EPHA5: variants seen among roughly 807,000 people sequenced by gnomAD.
EPHA5 encodes ephrin type-A receptor 5.
EPHA5 carries 60 observed loss-of-function variants against 105.0 expected under a neutral mutation model. The ratio of observed to expected loss-of-function variants is 0.57; its 90% CI spans 0.46 to 0.71. The LOEUF (loss-of-function observed/expected upper bound fraction) is 0.71, where lower values mean the gene tolerates loss of function less well. EPHA5 is among the 30% of genes least tolerant of loss of function. The probability of loss-of-function intolerance (pLI) is 0.00; values close to 1 mark genes in which losing one functional copy is unlikely to be tolerated. For missense variants in EPHA5, 1,218 were observed against 1,274.7 expected (o/e 0.96, Z 0.68); for synonymous variants, 513 against 449.1 (o/e 1.14, Z -1.80).
intron 11 of EPHA5, among the ~76,000 whole-genome samples, chr4:65,360,794 C>T (rs1230034445): frequency 6.6e-6 from 1 of 151,346 alleles, no homozygotes; most frequent in African/African-American, 2.4e-5. Context: ...TTTACATAGC[C>T]ACAATTTATT....
intron 2 of EPHA5, among the ~76,000 whole-genome samples, chr4:65,612,041 G>A (rs1019285360): frequency 6.2e-4 from 74 of 119,556 alleles, no homozygotes; most frequent in East Asian, 1.4e-3. Flanking sequence ...AAAAAAAAAG[G>A]AAAGAAAAGA....
chr4:65,557,305 C>A (rs899086938), intron 3 of EPHA5, among the ~76,000 whole-genome samples: 5 of 145,312 alleles, frequency 3.4e-5, no homozygotes, highest in African/African-American at 5.1e-5. Context: ...CGTTTGGGCA[C>A]ATATACATTG....
At chr4:65,335,545 G>T (rs779336323) in intron 15 of EPHA5, among the ~76,000 whole-genome samples, 11 of 152,114 alleles carry the variant, frequency 7.2e-5, no homozygotes, top group Non-Finnish European at 1.3e-4. Context: ...ATTATTGCTA[G>T]ATATCTCTGG....
rs1438310124 is a variant in EPHA5, at chr4:65,442,972, G to C, written c.1403-22407C>G. Among the ~76,000 whole-genome samples, 8 of 152,200 alleles carry C rather than the reference G, an allele frequency of 5.3e-5. No homozygotes were observed. The South Asian group carries it at 6.2e-4, about 12-fold the overall frequency. ...ACCAGATCATGATCATTTATACAGTGAACTTCTGAAGTTAGAAACCCTTTA... is the reference window on the plus strand; with the variant it reads ...ACCAGATCATGATCATTTATACAGTCAACTTCTGAAGTTAGAAACCCTTTA... On this transcript the variant is annotated intron_variant, in intron 5 of 16. Coordinates refer to ENST00000613740, the MANE Select transcript of EPHA5 (RefSeq NM_001281766.3).
At chr4:65,510,828 TATG>T (rs1443923698) in intron 3 of EPHA5, among the ~76,000 whole-genome samples, 1 of 152,232 alleles carries the variant, frequency 6.6e-6, no homozygotes. Context: ...TAGACTTGTA[TATG>T]ATGCTCAAGT....
intron 5 of EPHA5, among the ~76,000 whole-genome samples, chr4:65,481,586 C>T (rs1730368507): frequency 6.6e-6 from 1 of 152,182 alleles, no homozygotes; most frequent in Admixed American, 6.5e-5. Context: ...TTCTTTCTGA[C>T]CAAATCTATT....
At chr4:65,575,009 T>C (rs1373184435) in intron 3 of EPHA5, among the ~76,000 whole-genome samples, 1 of 151,804 alleles carries the variant, frequency 6.6e-6, no homozygotes, top group African/African-American at 2.4e-5. Context: ...GTACTTTAGA[T>C]AAACACTTGC....
At chr4:65,489,339 T>G (rs1342894330) in intron 5 of EPHA5, among the ~76,000 whole-genome samples, 1 of 152,212 alleles carries the variant, frequency 6.6e-6, no homozygotes, top group African/African-American at 2.4e-5. Flanking sequence ...CCTACAAACT[T>G]ACACTAATAT....
chr4:65,374,569 C>T (rs1443521420), intron 8 of EPHA5, among the ~76,000 whole-genome samples: 1 of 151,836 alleles, frequency 6.6e-6, no homozygotes, highest in African/African-American at 2.4e-5. Flanking sequence ...TCTAGATGAA[C>T]GGTTTTGAAA....
At chr4:65,410,145 C>G (rs1454147522) in intron 7 of EPHA5, among the ~76,000 whole-genome samples, 1 of 152,088 alleles carries the variant, frequency 6.6e-6, no homozygotes, top group Admixed American at 6.6e-5. Flanking sequence ...ATAGCAAAAA[C>G]TGTAATCAGC....
At chr4:65,461,938 A>T (rs73222138) in intron 5 of EPHA5, among the ~76,000 whole-genome samples, 5 of 152,044 alleles carry the variant, frequency 3.3e-5, no homozygotes, top group Non-Finnish European at 5.9e-5. Context: ...TATAATTGAT[A>T]TTGAATCATT....
In EPHA5 at chr4:65,323,262, T is replaced by C. The variant is rs1719779326; in HGVS notation, c.*852A>G. The stretch of plus-strand genomic sequence containing the variant: ...AGACACAAGCTTGTGTTAAATTTTG[T>C]TTTACTGCTTCCCTATTTCTCCTAT... On this transcript the variant is annotated 3_prime_UTR_variant, in exon 17 of 17. Transcript: ENST00000613740. The C allele has an allele frequency of 4.4e-6, 1 of 229,268 alleles. No homozygotes were observed. Among genetic ancestry groups the C allele is most frequent in the Non-Finnish European group, 8.6e-6 (1 of 115,608 alleles). The allele number at this position is 229,268 out of a possible 1,614,324, so 14.2% of individuals were successfully genotyped here. A position where few individuals can be genotyped will look rare whatever the true frequency, so the allele number is the denominator to read the frequency against.
At chr4:65,497,831 T>C (rs934001801) in intron 3 of EPHA5, among the ~76,000 whole-genome samples, 2 of 152,034 alleles carry the variant, frequency 1.3e-5, no homozygotes, top group African/African-American at 4.8e-5. Flanking sequence ...TATCTTTCTG[T>C]TCAGTTCAAT....
intron 7 of EPHA5, among the ~76,000 whole-genome samples, chr4:65,410,629 T>G (rs184224780): frequency 3.3e-5 from 5 of 152,288 alleles, no homozygotes; most frequent in Admixed American, 3.3e-4. Context: ...ATTGATTGCA[T>G]CAACGTCAAA....
At chr4:65,656,998 G>C (rs950338755) in intron 1 of EPHA5, among the ~76,000 whole-genome samples, 4 of 150,102 alleles carry the variant, frequency 2.7e-5, no homozygotes, top group Non-Finnish European at 5.9e-5. Context: ...ACGCTAACCA[G>C]ATGCTGACCA....
chr4:65,608,679 G>A lies in EPHA5; in HGVS notation c.247-6375C>T, dbSNP rs149803023. Among the ~76,000 whole-genome samples the A allele has an allele frequency of 9.0e-3, 1,362 of 152,160 alleles. 7 individuals carry two copies. Among genetic ancestry groups the A allele is most frequent in the Middle Eastern group, 0.031 (9 of 294 alleles). ...AAAGATATTGTGTGCTAATTTAAAG[G>A]TGATCCTGGAAGAAGAGTTTAAATA... On this transcript the variant is annotated intron_variant, in intron 2 of 16. Transcript: ENST00000613740.
intron 3 of EPHA5, among the ~76,000 whole-genome samples, chr4:65,599,048 C>A (rs1001463617): frequency 3.3e-5 from 5 of 151,812 alleles, no homozygotes; most frequent in African/African-American, 4.8e-5. Flanking sequence ...AGTTAAAAAA[C>A]CAAAACTATA....
chr4:65,574,389 A>T (rs1364347570), intron 3 of EPHA5: 7 of 718,600 alleles, frequency 9.7e-6, no homozygotes, highest in Admixed American at 4.2e-5. Flanking sequence ...AATAAAAAAT[A>T]AAAAAATAAA....
chr4:65,594,326 T>C (rs1025681533), intron 3 of EPHA5, among the ~76,000 whole-genome samples: 1 of 152,154 alleles, frequency 6.6e-6, no homozygotes, highest in African/African-American at 2.4e-5. Context: ...CAACATAAAA[T>C]ATAATCATTA....
Sources: gnomAD v4.1 joint callset for allele counts (sites outside exome capture counted in the v4.1 genomes callset) on GRCh38, gnomAD v4.1.1 for gene constraint, MANE v1.5 for transcripts, NCBI Gene and HGNC (gene_info 2026-07-23, HGNC 2026-07-21) for gene names.